CELF2: variants seen among roughly 807,000 people sequenced by gnomAD.
CELF2 encodes the protein CUG triplet repeat RNA-binding protein 2.
CELF2 carries 8 observed loss-of-function variants against 62.6 expected under a neutral mutation model. That is an observed-to-expected ratio of 0.13 (90% CI 0.07 to 0.23). The LOEUF (loss-of-function observed/expected upper bound fraction) is 0.23. Among genes scored for constraint, CELF2 ranks in the 10% least tolerant of loss-of-function variants. CELF2 has a pLI of 1.00. For synonymous variants in CELF2, 258 were observed against 250.0 expected, an observed-to-expected ratio of 1.03 and a Z score of -0.30; for missense variants, 333 against 671.0, an observed-to-expected ratio of 0.50 and a Z score of 5.56.
At chr10:11,294,499 A>T (rs989252075) in intron 9 of CELF2, among the ~76,000 whole-genome samples, 12 of 152,146 alleles carry the variant, frequency 7.9e-5, no homozygotes, top group African/African-American at 2.7e-4. Flanking sequence ...GTCATTGTTT[A>T]TTCTTAAGAG....
Position 11,274,453 on chromosome 10 carries a change from G to A in CELF2, c.778-604G>A, listed in dbSNP as rs140952916. ...ATTGACATTTACAACGCGTGACTTC[G>A]ATGTACATAGCACCAGATAGTTGTG... On this transcript the variant is annotated intron_variant, in intron 7 of 12. Transcript: ENST00000633077. Among the ~76,000 whole-genome samples the A allele has an allele frequency of 8.3e-4, 126 of 152,322 alleles. 2 individuals carry two copies. The highest frequency in any genetic ancestry group is 2.6e-3 in the African/African-American group (108 of 41,570).
chr10:10,513,410 C>T, the CELF2 span, among the ~76,000 whole-genome samples: 1 of 152,222 alleles, frequency 6.6e-6, no homozygotes, highest in South Asian at 2.1e-4. Flanking sequence ...CTTTGATTTT[C>T]TATTTTAAGG....
chr10:11,320,898 G>A (rs185702400), intron 10 of CELF2: 10 of 1,547,268 alleles, frequency 6.5e-6, no homozygotes, highest in Admixed American at 5.9e-5. Context: ...AGATAACAAC[G>A]GTACTTGCCA....
At chr10:10,646,479 C>A in the CELF2 span, among the ~76,000 whole-genome samples, 1 of 152,192 alleles carries the variant, frequency 6.6e-6, no homozygotes, top group East Asian at 1.9e-4. Flanking sequence ...CCTTACTTTG[C>A]CCCCTCACTG....
At chr10:10,489,039 T>C in the CELF2 span, among the ~76,000 whole-genome samples, 1 of 152,038 alleles carries the variant, frequency 6.6e-6, no homozygotes, top group African/African-American at 2.4e-5. Flanking sequence ...TAAATATCAA[T>C]GTAATTTCAG....
At chr10:10,666,512 G>C in the CELF2 span, among the ~76,000 whole-genome samples, 1 of 152,178 alleles carries the variant, frequency 6.6e-6, no homozygotes, top group Non-Finnish European at 1.5e-5. Context: ...AGAAGGCCCT[G>C]AAATCACCTA....
chr10:11,257,011 G>A (rs150600519), intron 4 of CELF2, among the ~76,000 whole-genome samples: 8 of 152,146 alleles, frequency 5.3e-5, no homozygotes, highest in Non-Finnish European at 7.4e-5. Context: ...AGCAGCAGCC[G>A]CCCTGTTCTC....
chr10:10,526,806 TG>T, the CELF2 span, among the ~76,000 whole-genome samples: 1 of 152,244 alleles, frequency 6.6e-6, no homozygotes, highest in Admixed American at 6.5e-5. Flanking sequence ...TTAAAATGGC[TG>T]GGTCCTTTCT....
chr10:10,551,498 TC>T, the CELF2 span, among the ~76,000 whole-genome samples: 82 of 151,490 alleles, frequency 5.4e-4, no homozygotes, highest in African/African-American at 1.8e-3. Context: ...CTGGACCCCC[TC>T]CCCCCCAGTC....
At chr10:10,580,109 AATAAT>A in the CELF2 span, among the ~76,000 whole-genome samples, 1 of 152,160 alleles carries the variant, frequency 6.6e-6, no homozygotes, top group Non-Finnish European at 1.5e-5. Flanking sequence ...TTTCCCTTAA[AATAAT>A]ATATTACAAA....
chr10:10,600,722 C>T, the CELF2 span, among the ~76,000 whole-genome samples: 15 of 152,322 alleles, frequency 9.8e-5, no homozygotes, highest in African/African-American at 3.4e-4. Context: ...GTTAAAGACA[C>T]GGATCCTCCT....
intron 2 of CELF2, among the ~76,000 whole-genome samples, chr10:11,198,473 A>G (rs1159848925): frequency 6.6e-6 from 1 of 152,160 alleles, no homozygotes; most frequent in Non-Finnish European, 1.5e-5. Flanking sequence ...AATATTTTGA[A>G]TTTTTTGTTT....
At chr10:10,738,702 G>A in the CELF2 span, among the ~76,000 whole-genome samples, 9,393 of 152,242 alleles carry the variant, frequency 0.062, 376 homozygotes, top group East Asian at 0.12. Flanking sequence ...TACCTGACTA[G>A]TTCTTCTTAA....
chr10:10,969,543 A>G (rs2050528152), intron 2 of CELF2, among the ~76,000 whole-genome samples: 1 of 152,140 alleles, frequency 6.6e-6, no homozygotes, highest in Non-Finnish European at 1.5e-5. Context: ...ACAAAGATAC[A>G]CACAATATTG....
the CELF2 span, among the ~76,000 whole-genome samples, chr10:10,667,693 C>G: frequency 4.6e-5 from 7 of 152,042 alleles, no homozygotes; most frequent in African/African-American, 1.7e-4. Context: ...TGCCTCTCTG[C>G]GCACACAAAT....
chr10:10,613,059 C>A, the CELF2 span, among the ~76,000 whole-genome samples: 1 of 152,340 alleles, frequency 6.6e-6, no homozygotes, highest in Non-Finnish European at 1.5e-5. Context: ...GCTCAACAGA[C>A]ACCCATTCAA....
chr10:10,541,917 C>T, the CELF2 span, among the ~76,000 whole-genome samples: 2 of 152,310 alleles, frequency 1.3e-5, no homozygotes, highest in Admixed American at 1.3e-4. Flanking sequence ...TGAAGTTGCT[C>T]TGGTTCAAAC....
At chr10:10,942,709 A>G (rs532446656) in intron 2 of CELF2, among the ~76,000 whole-genome samples, 18 of 152,330 alleles carry the variant, frequency 1.2e-4, no homozygotes, top group Non-Finnish European at 2.1e-4. Context: ...GGTAGGGATC[A>G]CTGGGGGCCA....
chr10:10,585,525 G>C, the CELF2 span, among the ~76,000 whole-genome samples: 7 of 152,276 alleles, frequency 4.6e-5, no homozygotes, highest in Middle Eastern at 3.4e-3. Flanking sequence ...GAACACACTA[G>C]GATTTGTGTG....
Sources: allele counts gnomAD v4.1 joint callset (sites outside exome capture counted in the v4.1 genomes callset), GRCh38; gene constraint gnomAD v4.1.1; transcripts MANE v1.5; gene names NCBI Gene and HGNC (gene_info 2026-07-23, HGNC 2026-07-21).